Variants in MRE11 observed in about 807,000 individuals in gnomAD.
MRE11 encodes the protein MRE11 double strand break repair nuclease, also known as double-strand break repair protein MRE11.
A neutral mutation model predicts 91.7 loss-of-function variants in MRE11; 62 were observed. That is an observed-to-expected ratio of 0.68 (90% CI 0.55 to 0.84). The LOEUF (loss-of-function observed/expected upper bound fraction) is 0.84, where lower values mean the gene tolerates loss of function less well. Ranked by LOEUF, MRE11 falls within the 40% of genes least tolerant of loss-of-function variation. MRE11 has a pLI of 0.00. For missense variants in MRE11, 796 were observed against 852.9 expected (o/e 0.93, Z 0.83); for synonymous variants, 273 against 271.4 (o/e 1.01, Z -0.06).
the MRE11 span, among the ~76,000 whole-genome samples, chr11:94,508,132 T>G: frequency 2.0e-5 from 3 of 151,982 alleles, no homozygotes; most frequent in East Asian, 1.9e-4. Flanking sequence ...TTTGTTTTTG[T>G]AGAGAATCTT....
At chr11:94,472,117 G>C (rs1266634541) in intron 7 of MRE11, among the ~76,000 whole-genome samples, 1 of 152,020 alleles carries the variant, frequency 6.6e-6, no homozygotes, top group Non-Finnish European at 1.5e-5. Flanking sequence ...CTATATACTA[G>C]AGAAAACACA....
intron 11 of MRE11, among the ~76,000 whole-genome samples, chr11:94,463,675 G>A (rs13447652): frequency 4.0e-5 from 6 of 151,712 alleles, no homozygotes; most frequent in East Asian, 3.9e-4. Context: ...GCAAACTACC[G>A]CAAGGACAGA....
the MRE11 span, among the ~76,000 whole-genome samples, chr11:94,503,833 A>AC: frequency 2.0e-5 from 3 of 149,916 alleles, no homozygotes; most frequent in Admixed American, 2.0e-4. Flanking sequence ...TCTCAAAAAA[A>AC]AAAAAAAAAA....
intron 13 of MRE11, among the ~76,000 whole-genome samples, chr11:94,457,693 A>G (rs1946289105): frequency 6.6e-6 from 1 of 152,084 alleles, no homozygotes; most frequent in Non-Finnish European, 1.5e-5. Flanking sequence ...AATCCTTACA[A>G]CAACCTTGAA....
intron 4 of MRE11, among the ~76,000 whole-genome samples, chr11:94,480,524 A>G (rs549904220): frequency 6.6e-6 from 1 of 152,384 alleles, no homozygotes; most frequent in African/African-American, 2.4e-5. Context: ...TGCTACAGTC[A>G]GTAATCTTGT....
chr11:94,511,135 G>C, the MRE11 span, among the ~76,000 whole-genome samples: 1 of 152,226 alleles, frequency 6.6e-6, no homozygotes, highest in African/African-American at 2.4e-5. Context: ...ATATAAAAAA[G>C]GAACGCAACC....
At chr11:94,433,876 T>C (rs1330190917) in intron 18 of MRE11, among the ~76,000 whole-genome samples, 1 of 152,190 alleles carries the variant, frequency 6.6e-6, no homozygotes, top group Admixed American at 6.5e-5. Flanking sequence ...ATTTCCCTTA[T>C]TAAAATTTCC....
At chr11:94,458,839 T>G (rs760660382) in intron 13 of MRE11, among the ~76,000 whole-genome samples, 6 of 152,176 alleles carry the variant, frequency 3.9e-5, no homozygotes, top group Non-Finnish European at 7.4e-5. Context: ...TTCATGTCCT[T>G]TGTTCATTAT....
intron 4 of MRE11, among the ~76,000 whole-genome samples, chr11:94,484,573 A>G (rs908448414): frequency 6.6e-6 from 1 of 152,246 alleles, no homozygotes; most frequent in African/African-American, 2.4e-5. Flanking sequence ...TATGGAAAGG[A>G]AAAAATAATG....
At chr11:94,482,622 A>G (rs917101121) in intron 4 of MRE11, among the ~76,000 whole-genome samples, 6 of 152,206 alleles carry the variant, frequency 3.9e-5, no homozygotes, top group Non-Finnish European at 8.8e-5. Flanking sequence ...AAGATGAAAG[A>G]AAGAAAATAC....
chr11:94,489,801 T>C (rs7358463), intron 3 of MRE11, among the ~76,000 whole-genome samples: 219 of 152,312 alleles, frequency 1.4e-3, no homozygotes, highest in African/African-American at 4.9e-3. Context: ...GAATGTCCCA[T>C]TGCAGTCTCC....
chr11:94,479,860 A>G (rs1174584549), intron 4 of MRE11, 99 bp from the exon 5 acceptor site: 2 of 865,076 alleles, frequency 2.3e-6, no homozygotes, highest in Admixed American at 3.9e-5. Context: ...GGCAAACTGC[A>G]TAATCTACAT....
chr11:94,466,010 C>T (rs1224568283), intron 10 of MRE11, among the ~76,000 whole-genome samples: 2 of 152,066 alleles, frequency 1.3e-5, no homozygotes, highest in African/African-American at 4.8e-5. Flanking sequence ...GAAGCATGTT[C>T]TCTGTGGGCA....
intron 19 of MRE11, among the ~76,000 whole-genome samples, chr11:94,420,427 TA>T (rs1419695675): frequency 6.6e-6 from 1 of 152,252 alleles, no homozygotes; most frequent in Non-Finnish European, 1.5e-5. Flanking sequence ...TTTCCCTTAC[TA>T]ACCTTAATAA....
intron 7 of MRE11, among the ~76,000 whole-genome samples, chr11:94,472,140 G>T (rs973200668): frequency 2.0e-5 from 3 of 151,986 alleles, no homozygotes; most frequent in Admixed American, 2.0e-4. Context: ...GAAAATGCAA[G>T]TAAGTATAAA....
chr11:94,435,391 C>T (rs1945577871), intron 18 of MRE11, among the ~76,000 whole-genome samples: 1 of 151,802 alleles, frequency 6.6e-6, no homozygotes, highest in African/African-American at 2.4e-5. Context: ...CCTGTGTCTA[C>T]CAAAAATACA....
the MRE11 span, among the ~76,000 whole-genome samples, chr11:94,511,979 T>C: frequency 9.2e-5 from 14 of 152,376 alleles, no homozygotes; most frequent in Middle Eastern, 3.4e-3. Flanking sequence ...AACGTGAAAG[T>C]TGGGAATCCT....
chr11:94,444,889 AAAT>A (rs1402290082), intron 16 of MRE11, among the ~76,000 whole-genome samples: 2 of 151,988 alleles, frequency 1.3e-5, no homozygotes, highest in South Asian at 2.1e-4. Context: ...CTGATAATAT[AAAT>A]AATATACATA....
intron 14 of MRE11, among the ~76,000 whole-genome samples, chr11:94,448,648 T>C (rs1311584820): frequency 6.6e-6 from 1 of 151,598 alleles, no homozygotes; most frequent in African/African-American, 2.4e-5. Context: ...TTAAGGAGAA[T>C]ATATCAACTG....
Sources: gnomAD v4.1 joint callset for allele counts (sites outside exome capture counted in the v4.1 genomes callset) on GRCh38, gnomAD v4.1.1 for gene constraint, MANE v1.5 for transcripts, NCBI Gene and HGNC (gene_info 2026-07-23, HGNC 2026-07-21) for gene names.